The following DMD variants were observed in gnomAD, a reference collection of about 807,000 sequenced individuals.
The protein encoded by DMD is mutant dystrophin.
Under a neutral mutation model 330.1 loss-of-function variants are expected in DMD, and 63 were observed. That is an observed-to-expected ratio of 0.19 (90% CI 0.16 to 0.24). The LOEUF is 0.24. Ranked by LOEUF, DMD falls within the 10% of genes least tolerant of loss-of-function variation. The pLI, the probability that DMD is intolerant of heterozygous loss-of-function variation, is 1.00. For synonymous variants in DMD, 1,223 were observed against 959.8 expected (o/e 1.27, Z -5.07); for missense variants, 3,344 against 2,684.1 (o/e 1.25, Z -5.43).
intron 74 of DMD, among the ~76,000 whole-genome samples, chrX:31,165,425 C>T (rs1427810640): frequency 8.9e-6 from 1 of 111,903 alleles, no homozygotes; most frequent in Non-Finnish European, 1.9e-5. Flanking sequence ...TAATATTTAG[C>T]CACCTTGTTG....
chrX:31,653,534 T>C lies in DMD; in HGVS notation c.8027+4456A>G, dbSNP rs538309412. On this transcript the variant is annotated intron_variant, in intron 54 of 78. Transcript: ENST00000357033. The stretch of plus-strand genomic sequence containing the variant: ...GAGTTTGTACCTGGCTAGTTGGCAG[T>C]TGTGGAAGCCCTCATACAGCTACAA... Among the ~76,000 whole-genome samples the C allele has an allele frequency of 4.1e-4, 45 of 109,822 alleles. No homozygotes were observed. In the South Asian group the frequency reaches 0.017, roughly 42 times the overall value.
intron 42 of DMD, among the ~76,000 whole-genome samples, chrX:32,297,760 G>A (rs905489435): frequency 8.9e-6 from 1 of 111,859 alleles, no homozygotes; most frequent in South Asian, 3.7e-4. Context: ...AGAAATGAAG[G>A]ATAAAGTGGG....
intron 60 of DMD, among the ~76,000 whole-genome samples, chrX:31,349,523 C>G (rs758794789): frequency 8.9e-6 from 1 of 112,480 alleles, no homozygotes; most frequent in South Asian, 3.7e-4. Context: ...ATTCAGTTTT[C>G]AGTGGACTTG....
chrX:32,275,607 G>T (rs1054168825), intron 43 of DMD, among the ~76,000 whole-genome samples: 1 of 111,796 alleles, frequency 8.9e-6, no homozygotes, highest in Non-Finnish European at 1.9e-5. Flanking sequence ...AAGTGTTTTG[G>T]TGTGTCAGTT....
intron 18 of DMD, among the ~76,000 whole-genome samples, chrX:32,515,568 C>G (rs146273349): frequency 0.013 from 1,439 of 111,305 alleles, 26 homozygotes; most frequent in Admixed American, 0.065. Flanking sequence ...TGTTTCATTA[C>G]CAATTTGCGT....
chrX:31,908,799 G>A (rs778490930), intron 47 of DMD, among the ~76,000 whole-genome samples: 4 of 110,807 alleles, frequency 3.6e-5, no homozygotes, highest in Non-Finnish European at 5.7e-5. Context: ...GGGGGACAGG[G>A]TATTGATCTA....
At chrX:32,664,088 T>C (rs758046260) in intron 9 of DMD, among the ~76,000 whole-genome samples, 4 of 111,187 alleles carry the variant, frequency 3.6e-5, no homozygotes, top group Non-Finnish European at 5.7e-5. Flanking sequence ...GCAGACAAAA[T>C]GGATTACAGG....
intron 7 of DMD, among the ~76,000 whole-genome samples, chrX:32,781,992 C>A (rs2074812799): frequency 9.0e-6 from 1 of 110,971 alleles, no homozygotes; most frequent in African/African-American, 3.3e-5. Context: ...TGTAGGCTCC[C>A]AGGTAAGAAA....
At chrX:33,307,414 G>T (rs949402955) in intron 1 of DMD, among the ~76,000 whole-genome samples, 14 of 112,518 alleles carry the variant, frequency 1.2e-4, no homozygotes, top group Non-Finnish European at 2.4e-4. Flanking sequence ...ATCAGAGGCT[G>T]GGCACGGTGG....
chrX:32,430,311 T>C (rs987405551), intron 29 of DMD, among the ~76,000 whole-genome samples: 1 of 111,815 alleles, frequency 8.9e-6, no homozygotes, highest in African/African-American at 3.2e-5. Flanking sequence ...GCCTGTTATA[T>C]AATGTGCTTT....
intron 17 of DMD, among the ~76,000 whole-genome samples, chrX:32,529,379 CTTTTTTTTTTTTTT>C (rs777955346): frequency 3.5e-4 from 11 of 31,065 alleles, no homozygotes; most frequent in African/African-American, 8.7e-4. Flanking sequence ...CAAAAATCAA[CTTTTTTTTTTTTTT>C]TTTTTTTTTT....
At chrX:31,496,318 A>G (rs770568122) in intron 57 of DMD, among the ~76,000 whole-genome samples, 1 of 112,576 alleles carries the variant, frequency 8.9e-6, no homozygotes, top group African/African-American at 3.2e-5. Context: ...TTGATATTTC[A>G]AAAGCATTAT....
intron 11 of DMD, among the ~76,000 whole-genome samples, chrX:32,634,049 TG>T (rs1191619730): frequency 1.3e-4 from 15 of 111,670 alleles, no homozygotes; most frequent in Non-Finnish European, 2.6e-4. Flanking sequence ...TATTCTACTG[TG>T]GCTAAGCTGG....
intron 55 of DMD, among the ~76,000 whole-genome samples, chrX:31,565,594 G>A (rs2075423615): frequency 1.8e-5 from 2 of 111,760 alleles, no homozygotes; most frequent in Admixed American, 1.9e-4. Context: ...GAATAATGGT[G>A]GTATGAATAT....
intron 7 of DMD, among the ~76,000 whole-genome samples, chrX:32,720,860 C>T (rs1041286318): frequency 6.3e-5 from 7 of 111,562 alleles, no homozygotes; most frequent in African/African-American, 2.3e-4. Context: ...TTTCCATGTA[C>T]ACATTGACTT....
chrX:31,140,720 G>A (rs1187933710), intron 76 of DMD, among the ~76,000 whole-genome samples: 1 of 112,081 alleles, frequency 8.9e-6, no homozygotes, highest in African/African-American at 3.2e-5. Flanking sequence ...TGTTCCATGT[G>A]TACACAAGAA....
At chrX:32,138,947 A>G (rs2096740410) in intron 44 of DMD, among the ~76,000 whole-genome samples, 2 of 112,582 alleles carry the variant, frequency 1.8e-5, no homozygotes, top group African/African-American at 6.5e-5. Context: ...CAATTGCTCT[A>G]TCACTTAGTA....
intron 73 of DMD, among the ~76,000 whole-genome samples, chrX:31,170,797 G>A (rs960022784): frequency 1.8e-5 from 2 of 111,454 alleles, no homozygotes; most frequent in African/African-American, 6.5e-5. Context: ...AGTCAAAATG[G>A]ATTTTATGTC....
intron 1 of DMD, among the ~76,000 whole-genome samples, chrX:33,274,476 GA>G (rs745635697): frequency 9.0e-6 from 1 of 111,250 alleles, no homozygotes; most frequent in African/African-American, 3.3e-5. Flanking sequence ...GAAGAAGTGA[GA>G]AAAAAATGAA....
Sources: allele counts gnomAD v4.1 joint callset (sites outside exome capture counted in the v4.1 genomes callset), GRCh38; gene constraint gnomAD v4.1.1; transcripts MANE v1.5; gene names NCBI Gene and HGNC (gene_info 2026-07-23, HGNC 2026-07-21).